SUGCT: variants seen among roughly 807,000 people sequenced by gnomAD.
The protein encoded by SUGCT is succinyl-CoA:glutarate-CoA transferase, also known as succinyl-CoA:glutarate CoA-transferase.
SUGCT carries 41 observed loss-of-function variants against 55.0 expected under a neutral mutation model. That is an observed-to-expected ratio of 0.74 (90% CI 0.58 to 0.97). The LOEUF (loss-of-function observed/expected upper bound fraction) is 0.97, where lower values mean the gene tolerates loss of function less well. SUGCT is among the 50% of genes least tolerant of loss of function. SUGCT has a pLI of 0.00. For missense variants in SUGCT, 568 were observed against 547.8 expected, an observed-to-expected ratio of 1.04 and a Z score of -0.37; for synonymous variants, 187 against 200.4, an observed-to-expected ratio of 0.93 and a Z score of 0.56.
intron 12 of SUGCT, among the ~76,000 whole-genome samples, chr7:40,739,100 TG>T (rs543789323): frequency 5.6e-4 from 86 of 152,332 alleles, no homozygotes; most frequent in African/African-American, 2.0e-3. Flanking sequence ...CATGTAGCCC[TG>T]TTCCCCAATG....
intron 12 of SUGCT, among the ~76,000 whole-genome samples, chr7:40,585,830 C>T (rs1797346951): frequency 6.6e-6 from 1 of 152,018 alleles, no homozygotes; most frequent in African/African-American, 2.4e-5. Flanking sequence ...CAGGTGTGCA[C>T]CACCACACCT....
At chr7:40,140,781 A>G (rs755397997) in intron 1 of SUGCT, among the ~76,000 whole-genome samples, 17 of 152,174 alleles carry the variant, frequency 1.1e-4, no homozygotes, top group Admixed American at 2.0e-4. Flanking sequence ...AAGTCAGAAA[A>G]TGTGATAACA....
the SUGCT span, among the ~76,000 whole-genome samples, chr7:41,025,817 G>A: frequency 6.6e-6 from 1 of 152,166 alleles, no homozygotes; most frequent in Admixed American, 6.5e-5. Context: ...GGAAAAGAAG[G>A]TGTATTAGAT....
At chr7:40,464,772 T>C (rs1463658246) in intron 11 of SUGCT, among the ~76,000 whole-genome samples, 1 of 152,202 alleles carries the variant, frequency 6.6e-6, no homozygotes, top group Non-Finnish European at 1.5e-5. Flanking sequence ...TTTTCCAGGG[T>C]AGCCATATAT....
intron 11 of SUGCT, among the ~76,000 whole-genome samples, chr7:40,474,019 T>C (rs1790530891): frequency 6.6e-6 from 1 of 152,090 alleles, no homozygotes; most frequent in Admixed American, 6.6e-5. Flanking sequence ...TGGAGGAAAA[T>C]CATGCCCGCT....
Position 40,462,989 on chromosome 7 carries a change from C to T in SUGCT, c.986+3791C>T, listed in dbSNP as rs528636719. On this transcript the variant is annotated intron_variant, in intron 11 of 13. Coordinates refer to ENST00000335693, the MANE Select transcript of SUGCT (RefSeq NM_001193313.2). ...CTTTTTCAACATGTTGATATACATG[C>T]TCCAGTTTTTAAAATGTGGTTTGCC... 3.9e-5 allele frequency among the ~76,000 whole-genome samples: 6 copies of T among 152,242 alleles called. No homozygotes were observed. In the East Asian group the frequency reaches 5.8e-4, roughly 15 times the overall value.
intron 13 of SUGCT, among the ~76,000 whole-genome samples, chr7:40,765,902 CCT>C (rs1238419766): frequency 7.9e-5 from 12 of 152,140 alleles, no homozygotes; most frequent in African/African-American, 4.8e-5. Flanking sequence ...CAAGCATCAC[CCT>C]CTAAGTTTTC....
At chr7:40,314,682 A>C (rs1197258636) in intron 8 of SUGCT, among the ~76,000 whole-genome samples, 1 of 150,154 alleles carries the variant, frequency 6.7e-6, no homozygotes, top group Non-Finnish European at 1.5e-5. Context: ...CTCCTGCCTC[A>C]GCCTCCCAAG....
At chr7:40,931,554 G>T in the SUGCT span, among the ~76,000 whole-genome samples, 1 of 152,066 alleles carries the variant, frequency 6.6e-6, no homozygotes, top group Non-Finnish European at 1.5e-5. Context: ...TCTGGTCCTG[G>T]ACTTTTTTTG....
intron 12 of SUGCT, among the ~76,000 whole-genome samples, chr7:40,600,193 C>G (rs1445907244): frequency 3.9e-5 from 6 of 152,176 alleles, no homozygotes. Flanking sequence ...TTCCCCCAAA[C>G]AAACAGAGCA....
At chr7:40,874,007 G>A in the SUGCT span, among the ~76,000 whole-genome samples, 4 of 142,708 alleles carry the variant, frequency 2.8e-5, no homozygotes, top group Non-Finnish European at 6.0e-5. Context: ...ATGCAGAGGT[G>A]AGCAGGCCGT....
At chr7:40,354,401 G>C (rs937436008) in intron 9 of SUGCT, among the ~76,000 whole-genome samples, 5 of 152,156 alleles carry the variant, frequency 3.3e-5, no homozygotes, top group African/African-American at 1.2e-4. Context: ...GTACTTCCTG[G>C]AGCCAGTAAG....
At chr7:40,833,807 C>T (rs1363172031) in intron 13 of SUGCT, among the ~76,000 whole-genome samples, 1 of 152,228 alleles carries the variant, frequency 6.6e-6, no homozygotes, top group Non-Finnish European at 1.5e-5. Flanking sequence ...TCCTCTCCCA[C>T]AGCAAGTTCA....
chr7:40,153,828 A>C (rs961682433), intron 1 of SUGCT: 1 of 385,006 alleles, frequency 2.6e-6, no homozygotes, highest in African/African-American at 2.1e-5. Flanking sequence ...GCAATATGCC[A>C]TTAAGAACTG....
the SUGCT span, among the ~76,000 whole-genome samples, chr7:40,926,735 A>G: frequency 6.6e-6 from 1 of 152,180 alleles, no homozygotes; most frequent in Non-Finnish European, 1.5e-5. Flanking sequence ...CCTGACCAGG[A>G]ACTGAATCAG....
At chr7:40,739,114 A>G (rs1338638101) in intron 12 of SUGCT, among the ~76,000 whole-genome samples, 1 of 152,164 alleles carries the variant, frequency 6.6e-6, no homozygotes, top group African/African-American at 2.4e-5. Flanking sequence ...CCCCAATGGT[A>G]ACTTCTTGCA....
At chr7:40,571,412 A>G in intron 12 of SUGCT, among the ~76,000 whole-genome samples, 1 of 152,194 alleles carries the variant, frequency 6.6e-6, no homozygotes, top group East Asian at 1.9e-4. Context: ...TCAAGTGCAA[A>G]TTAATTTTGA....
At chr7:40,626,358 G>A (rs181729868) in intron 12 of SUGCT, among the ~76,000 whole-genome samples, 18 of 151,480 alleles carry the variant, frequency 1.2e-4, no homozygotes, top group Non-Finnish European at 2.4e-4. Flanking sequence ...CCAGGTTCAA[G>A]CGATTCTCCT....
chr7:41,012,055 A>G, the SUGCT span, among the ~76,000 whole-genome samples: 1 of 152,208 alleles, frequency 6.6e-6, no homozygotes, highest in African/African-American at 2.4e-5. Context: ...TGTGGAAGCC[A>G]AATGGAGACA....
Sources: gnomAD v4.1 joint callset for allele counts (sites outside exome capture counted in the v4.1 genomes callset) on GRCh38, gnomAD v4.1.1 for gene constraint, MANE v1.5 for transcripts, NCBI Gene and HGNC (gene_info 2026-07-23, HGNC 2026-07-21) for gene names.